The following PDP2 variants were observed in gnomAD, a reference collection of about 807,000 sequenced individuals.
PDP2 encodes pyruvate dehydrogenase phosphatase catalytic subunit 2, also known as [Pyruvate dehydrogenase [acetyl-transferring]]-phosphatase 2, mitochondrial.
PDP2 carries 23 observed loss-of-function variants against 34.2 expected under a neutral mutation model. The ratio of observed to expected loss-of-function variants is 0.67; its 90% confidence interval spans 0.48 to 0.95. The LOEUF (loss-of-function observed/expected upper bound fraction) is 0.95. Ranked by LOEUF, PDP2 falls within the 40% of genes least tolerant of loss-of-function variation. The pLI, the probability that PDP2 is intolerant of heterozygous loss-of-function variation, is 0.00. For synonymous variants in PDP2, 275 were observed against 269.2 expected, an observed-to-expected ratio of 1.02 and a Z score of -0.21; for missense variants, 571 against 659.6, an observed-to-expected ratio of 0.87 and a Z score of 1.47.
rs1439988088 is a variant in PDP2 at position 66,885,004 on chromosome 16, T to G, written c.720T>G (p.Ser240=). 6.2e-7 allele frequency: 1 copy of G among 1,613,512 alleles called. No homozygotes were observed. Among genetic ancestry groups the G allele is most frequent in the Non-Finnish European group, 8.5e-7 (1 of 1,179,712 alleles). ...TGTACTCCTTCCAGAGACTGGATTC[T>G]GACATCTCGCTGGAAATCCAGGCCC... ...ALMYSFQRLD[S]DISLEIQAPL... is the part of the protein sequence containing the mutation. Residue 240 remains serine (S), a synonymous_variant, in exon 2 of 2, where the codon TCT becomes TCG. Transcript: ENST00000311765. The surrounding 1 kb of genome is among the most constrained non-coding windows in gnomAD (Gnocchi z 4.6).
At chr16:66,883,981 T>A (rs1000983156) in intron 1 of PDP2, among the ~76,000 whole-genome samples, 4 of 152,016 alleles carry the variant, frequency 2.6e-5, no homozygotes, top group African/African-American at 9.6e-5. Context: ...GAGACCATCC[T>A]GGCTAACATG....
In PDP2 at chr16:66,885,276, C is replaced by T. The variant is rs1265966476; in HGVS notation, c.992C>T (p.Thr331Met). 7 of 1,614,122 alleles carry T rather than the reference C, an allele frequency of 4.3e-6. No homozygotes were observed. The highest frequency in any genetic ancestry group is 1.1e-5 in the South Asian group (1 of 91,082). ...GAGCACCCTGAGTCAGAGGACAGGA[C>T]GATCATCATGGAGGACAGGCTACTG... Reference protein sequence around the residue: ...KREHPESEDRTIIMEDRLLGV... With the variant: ...KREHPESEDRMIIMEDRLLGV... The change falls in exon 2 of 2, where the codon ACG (threonine) becomes ATG (methionine). Residue 331 changes from threonine to methionine, a missense_variant. Coordinates refer to ENST00000311765, the MANE Select transcript of PDP2 (RefSeq NM_020786.4). This position sits in a 1 kb window ranked among gnomAD's most constrained non-coding sequence, Gnocchi z 4.6.
rs191365441 is a variant in PDP2, at chr16:66,884,652, G to A, written c.368G>A (p.Arg123Gln). 60 of 1,614,222 alleles carry A rather than the reference G, an allele frequency of 3.7e-5. No homozygotes were observed. Among genetic ancestry groups the A allele is most frequent in the African/African-American group, 8.0e-5 (6 of 75,048 alleles). ...GCTGCCAATTCCCCAGTGGAGGACC[G>A]GCGAGGTGTAGCCTCCTGCCTGCAA... ...QLAANSPVED[R>Q]RGVASCLQTN... Residue 123 changes from arginine (R) to glutamine (Q), a missense_variant, in exon 2 of 2, where the codon CGG becomes CAG. Coordinates refer to ENST00000311765, the MANE Select transcript of PDP2 (RefSeq NM_020786.4).
In PDP2 at chr16:66,887,173, A is replaced by G. The variant is rs564744881; in HGVS notation, c.*1299A>G. Reference sequence around the variant, plus strand: ...GGAATTAGACCATATTTAGTATAGGAGTTGGGGCAAAAATAAAAGTGTAAT... The same window carrying G: ...GGAATTAGACCATATTTAGTATAGGGGTTGGGGCAAAAATAAAAGTGTAAT... On this transcript the variant is annotated 3_prime_UTR_variant, in exon 2 of 2. Transcript: ENST00000311765. 1 of 167,134 alleles carries G rather than the reference A, an allele frequency of 6.0e-6. No homozygotes were observed. Among genetic ancestry groups the G allele is most frequent in the African/African-American group, 2.4e-5 (1 of 41,564 alleles). 10.4% of individuals were successfully genotyped at this position (167,134 alleles called of 1,614,324 possible).
At position 66,884,462 on chromosome 16, in the gene PDP2, T is replaced by C. The variant is rs1961650157; in HGVS notation, c.178T>C (p.Cys60Arg). 1 of 1,614,038 alleles carries C rather than the reference T, an allele frequency of 6.2e-7. No individual in the cohort carries two copies. Among genetic ancestry groups the C allele is most frequent in the Non-Finnish European group, 8.5e-7 (1 of 1,180,002 alleles). ...NSSPCGGFTL[C>R]KAYRHTSTEE... is the part of the protein sequence containing the mutation. ...TTCCCCATGTGGTGGCTTTACTCTG[T>C]GCAAAGCCTACAGACACACATCAAC... Residue 60 changes from cysteine (C) to arginine (R), a missense_variant, in exon 2 of 2, where the codon TGC becomes CGC. Around this residue, in one of 2 missense-constraint regions of PDP2, gnomAD observed 290 missense variants for 283.8 expected, o/e 1.02. Coordinates refer to ENST00000311765, the MANE Select transcript of PDP2 (RefSeq NM_020786.4).
chr16:66,882,350 C>T (rs1961557732), intron 1 of PDP2, among the ~76,000 whole-genome samples: 1 of 152,032 alleles, frequency 6.6e-6, no homozygotes, highest in Admixed American at 6.6e-5. Context: ...GCAGGAGGAT[C>T]CCTTGAGGCC....
At chr16:66,881,430 TTAATTTA>T (rs1011874253) in intron 1 of PDP2, among the ~76,000 whole-genome samples, 6 of 113,874 alleles carry the variant, frequency 5.3e-5, no homozygotes, top group African/African-American at 2.7e-4. Context: ...TTTTTTTTTT[TTAATTTA>T]ATTTAATTTA....
chr16:66,885,699 C>A lies in PDP2; in HGVS notation c.1415C>A (p.Thr472Lys). The change falls in exon 2 of 2, where the codon ACG becomes AAG. Residue 472 changes from threonine (T) to lysine (K), a missense_variant. Physicochemically the swap from Thr to Lys is moderately conservative, Grantham distance 78. This residue lies in a region of PDP2 where 281 missense variants were observed against 375.8 expected (regional missense o/e 0.75). Coordinates refer to ENST00000311765, the MANE Select transcript of PDP2 (RefSeq NM_020786.4). This position sits in a 1 kb window ranked among gnomAD's most constrained non-coding sequence, Gnocchi z 4.6. ...GLHEADQNAA[T>K]RLIRHAIGNN... ...CACGAGGCTGACCAAAATGCAGCCA[C>A]GCGGCTGATCAGACATGCCATCGGG... is the stretch of plus-strand genomic sequence containing the variant. The A allele has an allele frequency of 1.9e-6, 3 of 1,613,996 alleles. No homozygotes were observed. The highest frequency in any genetic ancestry group is 2.5e-6 in the Non-Finnish European group (3 of 1,180,000).
In PDP2 at chr16:66,885,080, G is replaced by A; in HGVS notation, c.796G>A (p.Gly266Arg). Residue 266 changes from glycine (G) to arginine (R), a missense_variant, in exon 2 of 2, where the codon GGG becomes AGG. Around this residue, in one of 2 missense-constraint regions of PDP2, gnomAD observed 281 missense variants for 375.8 expected, o/e 0.75. Coordinates refer to ENST00000311765, the MANE Select transcript of PDP2 (RefSeq NM_020786.4). This position sits in a 1 kb window ranked among gnomAD's most constrained non-coding sequence, Gnocchi z 4.6. ...RNLSLQVAFS[G>R]ATACMAHVDG... ...CCTGTCACTCCAGGTTGCTTTCTCT[G>A]GGGCAACAGCTTGCATGGCCCATGT... is the stretch of plus-strand genomic sequence containing the variant. 2.5e-6 allele frequency: 4 copies of A among 1,613,904 alleles called. No individual in the cohort carries two copies. In the South Asian group the frequency reaches 3.3e-5, roughly 13 times the overall value.
Position 66,885,421 on chromosome 16 carries a change from A to T in PDP2, c.1137A>T (p.Thr379=), listed in dbSNP as rs1380092588. 2 of 1,613,432 alleles carry T rather than the reference A, an allele frequency of 1.2e-6. No individual in the cohort carries two copies. Among genetic ancestry groups the T allele is most frequent in the Non-Finnish European group, 1.7e-6 (2 of 1,179,974 alleles). ...AGGCCCTCAACATTTACCAGTTCAC[A>T]CCCCCACACTACTACACTCCACCCT... is the stretch of plus-strand genomic sequence containing the variant. The part of the protein sequence containing the change: ...NTEALNIYQF[T]PPHYYTPPYL... The change falls in exon 2 of 2, where the codon ACA becomes ACT. Residue 379 remains threonine (T), a synonymous_variant. Transcript: ENST00000311765. The surrounding 1 kb of genome is among the most constrained non-coding windows in gnomAD (Gnocchi z 4.6).
Position 66,885,058 on chromosome 16 carries a change from G to A in PDP2, c.774G>A (p.Leu258=), listed in dbSNP as rs1256445460. Residue 258 remains leucine, a synonymous_variant, in exon 2 of 2, where the codon CTG becomes CTA. Coordinates refer to ENST00000311765, the MANE Select transcript of PDP2 (RefSeq NM_020786.4). This position sits in a 1 kb window ranked among gnomAD's most constrained non-coding sequence, Gnocchi z 4.6. The part of the protein sequence containing the change: ...APLEDEVTRN[L]SLQVAFSGAT... Reference sequence around the variant, plus strand: ...TGGAAGATGAGGTGACAAGGAACCTGTCACTCCAGGTTGCTTTCTCTGGGG... The same window carrying A: ...TGGAAGATGAGGTGACAAGGAACCTATCACTCCAGGTTGCTTTCTCTGGGG... 2 of 1,613,934 alleles carry A rather than the reference G, an allele frequency of 1.2e-6. No individual in the cohort carries two copies. Among genetic ancestry groups the A allele is most frequent in the East Asian group, 4.5e-5 (2 of 44,888 alleles).
At chr16:66,882,191 A>G (rs1273924604) in intron 1 of PDP2, among the ~76,000 whole-genome samples, 1 of 152,206 alleles carries the variant, frequency 6.6e-6, no homozygotes, top group Non-Finnish European at 1.5e-5. Context: ...AGTAGCTCCC[A>G]CCTGTAATCT....
At position 66,885,680 on chromosome 16, in the gene PDP2, G is replaced by T. The variant is rs1402439709; in HGVS notation, c.1396G>T (p.Ala466Ser). The T allele has an allele frequency of 1.2e-6, 2 of 1,614,098 alleles. No homozygotes were observed. The highest frequency in any genetic ancestry group is 1.7e-6 in the Non-Finnish European group (2 of 1,180,004). ...LQRKASGLHEADQNAATRLIR... is the reference protein window; with the variant it reads ...LQRKASGLHESDQNAATRLIR... ...GAGGAAAGCCAGCGGGCTCCACGAG[G>T]CTGACCAAAATGCAGCCACGCGGCT... Residue 466 changes from alanine to serine, a missense_variant, in exon 2 of 2, where the codon GCT becomes TCT. Ala to Ser is a moderately conservative substitution (Grantham distance 99). Coordinates refer to ENST00000311765, the MANE Select transcript of PDP2 (RefSeq NM_020786.4). The surrounding 1 kb of genome is among the most constrained non-coding windows in gnomAD (Gnocchi z 4.6).
rs1961676317 is a variant in PDP2, at chr16:66,884,827, A to G, written c.543A>G (p.Lys181=). ...EHMEGAMESM[K]PLLPILHWLK... ...TGGAGGGAGCTATGGAAAGCATGAA[A>G]CCCTTGCTGCCCATCCTGCATTGGC... is the stretch of plus-strand genomic sequence containing the variant. Residue 181 remains lysine, a synonymous_variant, in exon 2 of 2, where the codon AAA becomes AAG. Coordinates refer to ENST00000311765, the MANE Select transcript of PDP2 (RefSeq NM_020786.4). 1 of 1,613,684 alleles carries G rather than the reference A, an allele frequency of 6.2e-7. No individual in the cohort carries two copies. Among genetic ancestry groups the G allele is most frequent in the Admixed American group, 1.7e-5 (1 of 59,968 alleles).
chr16:66,885,310 C>T lies in PDP2; in HGVS notation c.1026C>T (p.Leu342=). 1 of 1,614,070 alleles carries T rather than the reference C, an allele frequency of 6.2e-7. No homozygotes were observed. The highest frequency in any genetic ancestry group is 8.5e-7 in the Non-Finnish European group (1 of 1,179,960). Residue 342 remains leucine (L), a synonymous_variant, in exon 2 of 2, where the codon CTC becomes CTT. Coordinates refer to ENST00000311765, the MANE Select transcript of PDP2 (RefSeq NM_020786.4). The surrounding 1 kb of genome is among the most constrained non-coding windows in gnomAD (Gnocchi z 4.6). ...IIMEDRLLGV[L]IPCRAFGDVQ... The stretch of plus-strand genomic sequence containing the variant: ...TGGAGGACAGGCTACTGGGCGTCCT[C>T]ATCCCCTGCAGGGCCTTTGGGGATG...
Position 66,885,721 on chromosome 16 carries a change from C to T in PDP2, c.1437C>T (p.Ile479=), listed in dbSNP as rs778236185. The change falls in exon 2 of 2, where the codon ATC becomes ATT. Residue 479 remains isoleucine, a synonymous_variant. Transcript: ENST00000311765. This position sits in a 1 kb window ranked among gnomAD's most constrained non-coding sequence, Gnocchi z 4.6. ...NAATRLIRHA[I]GNNEYGEMEA... Reference sequence around the variant, plus strand: ...CCACGCGGCTGATCAGACATGCCATCGGGAACAATGAGTATGGGGAGATGG... The same window carrying T: ...CCACGCGGCTGATCAGACATGCCATTGGGAACAATGAGTATGGGGAGATGG... The T allele has an allele frequency of 9.3e-6, 15 of 1,613,814 alleles. No individual in the cohort carries two copies. The highest frequency in any genetic ancestry group is 2.7e-5 in the African/African-American group (2 of 74,886).
chr16:66,884,172 TCAA>T, intron 1 of PDP2, 56 bp from the exon 2 acceptor site: 1 of 724,564 alleles, frequency 1.4e-6, no homozygotes, highest in Non-Finnish European at 1.9e-6. Flanking sequence ...AGACTACGTC[TCAA>T]AAAAAAAAAA....
rs373353424 is a variant in PDP2 at position 66,885,395 on chromosome 16, G to T, written c.1111G>T (p.Glu371Ter). 6.2e-7 allele frequency: 1 copy of T among 1,613,888 alleles called. No individual in the cohort carries two copies. Among genetic ancestry groups the T allele is most frequent in the Non-Finnish European group, 8.5e-7 (1 of 1,180,020 alleles). ...CATTCTGGAGAGGGGCTTCAATACC[G>T]AGGCCCTCAACATTTACCAGTTCAC... ...RSILERGFNT[E>*]ALNIYQFTPP... Residue 371 changes from glutamate (E) to a stop codon, truncating the protein, a stop_gained, in exon 2 of 2, where the codon GAG becomes TAG. Transcript: ENST00000311765. LOFTEE classifies it high-confidence loss of function. The surrounding 1 kb of genome is among the most constrained non-coding windows in gnomAD (Gnocchi z 4.6).
intron 1 of PDP2, among the ~76,000 whole-genome samples, chr16:66,883,331 A>G (rs1961596539): frequency 6.6e-6 from 1 of 152,060 alleles, no homozygotes; most frequent in Non-Finnish European, 1.5e-5. Context: ...ACGGGGTTTC[A>G]CTGTGTTAGC....
Sources: gnomAD v4.1 joint callset for allele counts (sites outside exome capture counted in the v4.1 genomes callset) on GRCh38, gnomAD v4.1.1 for gene constraint, gnomAD v4.1.1 regional missense constraint, Gnocchi (gnomAD v3.1) non-coding constraint, MANE v1.5 for transcripts, NCBI Gene and HGNC (gene_info 2026-07-23, HGNC 2026-07-21) for gene names.